Variants in QKI observed in about 807,000 individuals in gnomAD.
QKI encodes QKI, KH domain containing RNA binding, also known as KH domain-containing RNA-binding protein QKI.
Under a neutral mutation model 39.0 loss-of-function variants are expected in QKI, and 10 were observed. The ratio of observed to expected loss-of-function variants is 0.26; its 90% CI spans 0.16 to 0.43. The LOEUF (loss-of-function observed/expected upper bound fraction) is 0.43, where lower values mean the gene tolerates loss of function less well. Among genes scored for constraint, QKI ranks in the 20% least tolerant of loss-of-function variants. The pLI, the probability that QKI is intolerant of heterozygous loss-of-function variation, is 1.00. For missense variants in QKI, 218 were observed against 428.0 expected (o/e 0.51, Z 4.33); for synonymous variants, 204 against 155.4 (o/e 1.31, Z -2.33).
intron 6 of QKI, chr6:163,565,011 C>T: frequency 8.1e-7 from 1 of 1,234,644 alleles, no homozygotes; most frequent in Non-Finnish European, 1.0e-6. Context: ...CCATGATGCT[C>T]TGTATGTTAT....
intron 3 of QKI, among the ~76,000 whole-genome samples, chr6:163,510,254 A>AATAATAATC (rs1184515333): frequency 1.0e-4 from 13 of 124,046 alleles, no homozygotes; most frequent in Non-Finnish European, 1.8e-4. Context: ...TAATAATAAT[A>AATAATAATC]ATAATAAGTA....
At chr6:163,517,043 C>CA (rs1779845713) in intron 3 of QKI, among the ~76,000 whole-genome samples, 1 of 91,148 alleles carries the variant, frequency 1.1e-5, no homozygotes, top group South Asian at 4.3e-4. Flanking sequence ...GGGACACACA[C>CA]ACACACACAC....
intron 1 of QKI, among the ~76,000 whole-genome samples, chr6:163,436,279 G>A (rs533480041): frequency 1.6e-4 from 24 of 152,292 alleles, no homozygotes; most frequent in African/African-American, 5.8e-4. Context: ...AAGGTTATTC[G>A]ATTTTGCTTC....
At chr6:163,553,067 TTTATTTATTTATTTA>T (rs1782356830) in intron 4 of QKI, among the ~76,000 whole-genome samples, 3 of 5,132 alleles carry the variant, frequency 5.8e-4, no homozygotes, top group African/African-American at 3.0e-3. Flanking sequence ...TTAATTTTTA[TTTATTTATTTATTTA>T]TTTATTTATT....
chr6:163,428,402 A>G (rs1325427549), intron 1 of QKI, among the ~76,000 whole-genome samples: 1 of 152,168 alleles, frequency 6.6e-6, no homozygotes, highest in Non-Finnish European at 1.5e-5. Context: ...TTGTAATTAT[A>G]AAGTCTTTAG....
At chr6:163,501,298 A>AC (rs397820025) in intron 3 of QKI, among the ~76,000 whole-genome samples, 10 of 150,984 alleles carry the variant, frequency 6.6e-5, no homozygotes, top group Non-Finnish European at 1.3e-4. Context: ...AAAAAAAAAA[A>AC]CCCAAAGCAT....
chr6:163,555,852 G>A (rs1294143694), intron 4 of QKI, among the ~76,000 whole-genome samples: 1 of 152,008 alleles, frequency 6.6e-6, no homozygotes, highest in Admixed American at 6.6e-5. Flanking sequence ...AAAGTATATA[G>A]ATCTAAAAAT....
At chr6:163,487,098 A>C (rs1767583347) in intron 3 of QKI, among the ~76,000 whole-genome samples, 2 of 152,316 alleles carry the variant, frequency 1.3e-5, no homozygotes, top group Middle Eastern at 3.4e-3. Context: ...GCATGACATC[A>C]AGTACAAGTA....
At position 163,528,986 on chromosome 6, in the gene QKI, T is replaced by C. The variant is rs148416205; in HGVS notation, c.403-5996T>C. On this transcript the variant is annotated intron_variant, in intron 3 of 7. Transcript: ENST00000361752. The stretch of plus-strand genomic sequence containing the variant: ...GTCTTGCAGTTTTAAAAAATACTTT[T>C]GACCCATCTTGTCTCCTGTTCTTCT... 2.5e-4 allele frequency among the ~76,000 whole-genome samples: 38 copies of C among 152,300 alleles called. 1 individual carries two copies. Among genetic ancestry groups the C allele is most frequent in the African/African-American group, 8.7e-4 (36 of 41,574 alleles).
chr6:163,462,209 G>C (rs1310043152), intron 2 of QKI, among the ~76,000 whole-genome samples: 4 of 152,168 alleles, frequency 2.6e-5, no homozygotes, highest in Non-Finnish European at 1.5e-5. Flanking sequence ...TCCTGCCTCA[G>C]CCTCCCAAAG....
intron 2 of QKI, among the ~76,000 whole-genome samples, chr6:163,478,050 G>A (rs1792762882): frequency 6.6e-6 from 1 of 152,150 alleles, no homozygotes; most frequent in South Asian, 2.1e-4. Context: ...TACTTTTCAC[G>A]ATTTAGCCCG....
chr6:163,536,833 A>G lies in QKI; in HGVS notation c.546+1708A>G, dbSNP rs572708918. ...CTTAAATAAATGTGGGAGACAGAAT[A>G]CATCATATTTTTGAGAACTCACTTC... On this transcript the variant is annotated intron_variant, in intron 4 of 7. Transcript: ENST00000361752. Among the ~76,000 whole-genome samples the G allele has an allele frequency of 2.6e-5, 4 of 152,348 alleles. No individual in the cohort carries two copies. In the South Asian group the frequency reaches 8.3e-4, roughly 32 times the overall value.
At chr6:163,564,613 T>C (rs953172132) in intron 6 of QKI, 19 of 1,612,984 alleles carry the variant, frequency 1.2e-5, no homozygotes, top group Non-Finnish European at 1.4e-5. Context: ...TGGTTTTACA[T>C]GAACAAAAAG....
intron 7 of QKI, chr6:163,569,808 CTGTT>C (rs1176825633): frequency 7.1e-6 from 7 of 985,946 alleles, no homozygotes; most frequent in Non-Finnish European, 8.4e-6. Context: ...ATAAAGAAAG[CTGTT>C]TGTAGTTTTA....
rs1468019499 is a variant in QKI, at chr6:163,574,119, C to T, written c.*3409C>T. The T allele has an allele frequency of 6.6e-6, 1 of 152,162 alleles. No individual in the cohort carries two copies. The highest frequency in any genetic ancestry group is 6.5e-5 in the Admixed American group (1 of 15,272). The allele number at this position is 152,162 out of a possible 1,614,324, so 9.4% of individuals were successfully genotyped here. ...CCTTTCAGCATCTGCATTACTAATT[C>T]CACACCTTATTTTTCCTTCTCCAAA... On this transcript the variant is annotated 3_prime_UTR_variant, in exon 8 of 8. Transcript: ENST00000361752.
At chr6:163,522,515 C>T (rs952408941) in intron 3 of QKI, among the ~76,000 whole-genome samples, 2 of 151,912 alleles carry the variant, frequency 1.3e-5, no homozygotes, top group African/African-American at 2.4e-5. Flanking sequence ...CCTTTTTGTG[C>T]GTTTGTTTTT....
At chr6:163,563,793 T>TTTTATCA in intron 6 of QKI, 74 bp downstream of exon 6, 1 of 1,534,176 alleles carries the variant, frequency 6.5e-7, no homozygotes, top group Non-Finnish European at 8.8e-7. Flanking sequence ...TTTGAAATGA[T>TTTTATCA]TTTATCAGTT....
intron 2 of QKI, among the ~76,000 whole-genome samples, chr6:163,477,801 A>G (rs1181910256): frequency 6.6e-6 from 1 of 152,190 alleles, no homozygotes; most frequent in Non-Finnish European, 1.5e-5. Flanking sequence ...TACAGATGAT[A>G]CCAGAAGTAC....
At position 163,563,584 on chromosome 6, in the gene QKI, A is replaced by G; in HGVS notation, c.799A>G (p.Thr267Ala). 1.9e-6 allele frequency: 3 copies of G among 1,613,566 alleles called. No homozygotes were observed. Among genetic ancestry groups the G allele is most frequent in the Non-Finnish European group, 2.5e-6 (3 of 1,179,922 alleles). ...ACAGACCGCTGTCATGCCAAACGGAACTCCTCACCCAACTGCTGCAATAGT... is the reference window on the plus strand; with the variant it reads ...ACAGACCGCTGTCATGCCAAACGGAGCTCCTCACCCAACTGCTGCAATAGT... ...QIQTAVMPNG[T>A]PHPTAAIVPP... Residue 267 changes from threonine to alanine, a missense_variant, in exon 6 of 8, where the codon ACT becomes GCT. Thr to Ala is a moderately conservative substitution (Grantham distance 58). Coordinates refer to ENST00000361752, the MANE Select transcript of QKI (RefSeq NM_006775.3).
Sources: gnomAD v4.1 joint callset for allele counts (sites outside exome capture counted in the v4.1 genomes callset) on GRCh38, gnomAD v4.1.1 for gene constraint, MANE v1.5 for transcripts, NCBI Gene and HGNC (gene_info 2026-07-23, HGNC 2026-07-21) for gene names.